Variants in AKT3 observed in about 807,000 individuals in gnomAD.
The protein encoded by AKT3 is RAC-gamma serine/threonine-protein kinase.
A neutral mutation model predicts 65.3 loss-of-function variants in AKT3; 15 were observed. That is an observed-to-expected ratio of 0.23 (90% confidence interval 0.15 to 0.35). The LOEUF (loss-of-function observed/expected upper bound fraction) is 0.35, where lower values mean the gene tolerates loss of function less well. Among genes scored for constraint, AKT3 ranks in the 10% least tolerant of loss-of-function variants. AKT3 has a pLI of 1.00. For synonymous variants in AKT3, 206 were observed against 183.8 expected, an observed-to-expected ratio of 1.12 and a Z score of -0.98; for missense variants, 243 against 576.5, an observed-to-expected ratio of 0.42 and a Z score of 5.92.
At chr1:243,637,587 A>T in intron 6 of AKT3, 24 bp downstream of exon 6, 2 of 1,569,010 alleles carry the variant, frequency 1.3e-6, no homozygotes, top group Non-Finnish European at 1.7e-6. Context: ...AAAATTTAGT[A>T]ATCAACTTTA....
At position 243,690,230 on chromosome 1, in the gene AKT3, C is replaced by T. The variant is rs1684597641; in HGVS notation, c.172+5361G>A. ...TAAGCCCAAGACATAGGGGCAAATG[C>T]ACACGTCCTCCATGTGGGAACTACT... is the stretch of plus-strand genomic sequence containing the variant. On this transcript the variant is annotated intron_variant, in intron 3 of 13. Coordinates refer to ENST00000673466, the MANE Select transcript of AKT3 (RefSeq NM_005465.7). Among the ~76,000 whole-genome samples the T allele has an allele frequency of 2.6e-5, 4 of 152,098 alleles. No homozygotes were observed. The South Asian group carries it at 8.3e-4, about 32-fold the overall frequency.
intron 3 of AKT3, among the ~76,000 whole-genome samples, chr1:243,683,248 G>T (rs540326696): frequency 4.6e-5 from 7 of 152,254 alleles, no homozygotes; most frequent in Non-Finnish European, 1.0e-4. Flanking sequence ...GAAAGGGCTT[G>T]ATACATAGTA....
intron 2 of AKT3, among the ~76,000 whole-genome samples, chr1:243,789,527 A>G (rs1691484679): frequency 6.6e-6 from 1 of 152,230 alleles, no homozygotes. Context: ...CCACATCTGC[A>G]GTTACTTTCT....
intron 8 of AKT3, among the ~76,000 whole-genome samples, chr1:243,609,486 C>T (rs566100939): frequency 6.6e-6 from 1 of 151,950 alleles, no homozygotes; most frequent in East Asian, 1.9e-4. Flanking sequence ...GGCCAAACCC[C>T]GTTTCTACTA....
intron 3 of AKT3, among the ~76,000 whole-genome samples, chr1:243,674,671 T>C (rs1390459681): frequency 3.9e-5 from 6 of 152,308 alleles, no homozygotes; most frequent in Non-Finnish European, 5.9e-5. Context: ...TAGTAGGGAC[T>C]TAAAAGATTT....
chr1:243,798,725 C>T (rs1461102708), intron 2 of AKT3, among the ~76,000 whole-genome samples: 5 of 152,154 alleles, frequency 3.3e-5, no homozygotes, highest in East Asian at 3.9e-4. Context: ...CTCTAATTTT[C>T]TCTATTCCTC....
chr1:243,704,575 G>C (rs1367749705), intron 2 of AKT3, among the ~76,000 whole-genome samples: 2 of 152,124 alleles, frequency 1.3e-5, no homozygotes, highest in Non-Finnish European at 2.9e-5. Context: ...GAAAAAGGTA[G>C]TCGATGATAT....
chr1:243,594,757 T>C (rs936047741), intron 8 of AKT3, among the ~76,000 whole-genome samples: 11 of 152,234 alleles, frequency 7.2e-5, no homozygotes, highest in African/African-American at 2.6e-4. Flanking sequence ...AAATTTTTTA[T>C]TTTGTAGAGA....
intron 2 of AKT3, among the ~76,000 whole-genome samples, chr1:243,707,595 C>T (rs1435642251): frequency 1.3e-5 from 2 of 152,034 alleles, no homozygotes; most frequent in Non-Finnish European, 2.9e-5. Flanking sequence ...AAGGACACAA[C>T]TCATTATTCT....
intron 2 of AKT3, among the ~76,000 whole-genome samples, chr1:243,807,405 G>A (rs1016263265): frequency 2.0e-5 from 3 of 152,200 alleles, no homozygotes; most frequent in East Asian, 1.9e-4. Flanking sequence ...CTGGCTCGGA[G>A]GGTCCTATGC....
chr1:243,634,622 G>T (rs774112814), intron 6 of AKT3, among the ~76,000 whole-genome samples: 1 of 151,662 alleles, frequency 6.6e-6, no homozygotes, highest in African/African-American at 2.4e-5. Context: ...GCTAAAGGGG[G>T]TACTGCCATA....
At position 243,664,765 on chromosome 1, in the gene AKT3, T is replaced by C. The variant is rs1287702654; in HGVS notation, c.284+7A>G. 7.0e-7 allele frequency: 1 copy of C among 1,426,278 alleles called. No homozygotes were observed. Among genetic ancestry groups the C allele is most frequent in the African/African-American group, 1.5e-5 (1 of 67,530 alleles). The allele number at this position is 1,426,278 out of a possible 1,614,324, so 88.4% of individuals were successfully genotyped here. A position where few individuals can be genotyped will look rare whatever the true frequency, so the allele number is the denominator to read the frequency against. The stretch of plus-strand genomic sequence containing the variant: ...TTTCACAAAATGAAAACAAGTGAAT[T>C]TCTTACCTTTCCTCTGGAGTATCTA... On this transcript the variant is annotated splice_region_variant and intron_variant, in intron 4 of 13. Transcript: ENST00000673466.
chr1:243,724,570 G>T (rs1572232821), intron 2 of AKT3, among the ~76,000 whole-genome samples: 1 of 151,956 alleles, frequency 6.6e-6, no homozygotes, highest in Non-Finnish European at 1.5e-5. Context: ...TTCAGTTTTT[G>T]TGTAAATATG....
chr1:243,810,581 G>T (rs892749299), intron 2 of AKT3, among the ~76,000 whole-genome samples: 3 of 152,098 alleles, frequency 2.0e-5, no homozygotes, highest in African/African-American at 7.2e-5. Flanking sequence ...ATTCACAGCC[G>T]AATTCTACCA....
chr1:243,577,292 A>C (rs902591818), intron 8 of AKT3, among the ~76,000 whole-genome samples: 4 of 152,126 alleles, frequency 2.6e-5, no homozygotes, highest in Admixed American at 2.6e-4. Flanking sequence ...GATTACAGGC[A>C]TGTGCTACCA....
intron 2 of AKT3, among the ~76,000 whole-genome samples, chr1:243,732,393 ATGG>A (rs1236546139): frequency 6.6e-6 from 1 of 152,184 alleles, no homozygotes; most frequent in African/African-American, 2.4e-5. Context: ...AAGGGAAGAG[ATGG>A]TGGCTGACTG....
intron 12 of AKT3, among the ~76,000 whole-genome samples, chr1:243,516,733 G>T (rs1008919667): frequency 6.6e-6 from 1 of 151,872 alleles, no homozygotes; most frequent in African/African-American, 2.4e-5. Flanking sequence ...TCAGCCTCCT[G>T]AGCAGCTATG....
At chr1:243,731,120 C>G (rs1311463643) in intron 2 of AKT3, among the ~76,000 whole-genome samples, 1 of 152,188 alleles carries the variant, frequency 6.6e-6, no homozygotes, top group Non-Finnish European at 1.5e-5. Context: ...AGAGTGACAC[C>G]TGAAGGATCC....
At chr1:243,825,855 G>C (rs1694132768) in intron 2 of AKT3, among the ~76,000 whole-genome samples, 1 of 152,132 alleles carries the variant, frequency 6.6e-6, no homozygotes, top group Admixed American at 6.5e-5. Context: ...AGCATAGCCA[G>C]GTGCGGTGGC....
Sources: gnomAD v4.1 joint callset for allele counts (sites outside exome capture counted in the v4.1 genomes callset) on GRCh38, gnomAD v4.1.1 for gene constraint, MANE v1.5 for transcripts, NCBI Gene and HGNC (gene_info 2026-07-23, HGNC 2026-07-21) for gene names.